Variants in CLIC4 observed in about 807,000 individuals in gnomAD.
The protein encoded by CLIC4 is CLIC family member 4.
CLIC4 carries 13 observed loss-of-function variants against 24.6 expected under a neutral mutation model. That is an observed-to-expected ratio of 0.53 (90% confidence interval 0.34 to 0.84). The LOEUF is 0.84. CLIC4 is among the 40% of genes least tolerant of loss of function. The pLI, the probability that CLIC4 is intolerant of heterozygous loss-of-function variation, is 0.01. For missense variants in CLIC4, 227 were observed against 301.7 expected (o/e 0.75, Z 1.83); for synonymous variants, 104 against 111.3 (o/e 0.93, Z 0.41).
At position 24,794,307 on chromosome 1, in the gene CLIC4, G is replaced by C. The variant is rs562311516; in HGVS notation, c.73-3435G>C. On this transcript the variant is annotated intron_variant, in intron 1 of 5. Coordinates refer to ENST00000374379, the MANE Select transcript of CLIC4 (RefSeq NM_013943.3). ...GTTTAACTAATTTACACTCCCACCA[G>C]CAGCGTATAGTGTTCCCTTTTCTCT... Among the ~76,000 whole-genome samples, 4 of 151,440 alleles carry C rather than the reference G, an allele frequency of 2.6e-5. No homozygotes were observed. The East Asian group carries it at 7.8e-4, about 29-fold the overall frequency.
At chr1:24,752,432 A>G (rs1444323863) in intron 1 of CLIC4, among the ~76,000 whole-genome samples, 1 of 152,128 alleles carries the variant, frequency 6.6e-6, no homozygotes, top group Non-Finnish European at 1.5e-5. Flanking sequence ...TTATTTGTCC[A>G]CTAACTCCCA....
chr1:24,766,496 T>G (rs1386104130), intron 1 of CLIC4, among the ~76,000 whole-genome samples: 6 of 80,408 alleles, frequency 7.5e-5, no homozygotes, highest in African/African-American at 2.1e-4. Context: ...TTTTTTTTTT[T>G]TTTTTTTTTT....
At chr1:24,801,122 G>A (rs191921304) in intron 2 of CLIC4, among the ~76,000 whole-genome samples, 4 of 151,980 alleles carry the variant, frequency 2.6e-5, no homozygotes, top group African/African-American at 9.7e-5. Flanking sequence ...CTAGGGTTTG[G>A]CAGTGGATTC....
At chr1:24,765,922 C>G (rs1007149316) in intron 1 of CLIC4, among the ~76,000 whole-genome samples, 2 of 151,816 alleles carry the variant, frequency 1.3e-5, no homozygotes, top group Non-Finnish European at 2.9e-5. Context: ...AGCAATTCTC[C>G]TGCCTCAGCC....
At chr1:24,763,176 T>C (rs1376526051) in intron 1 of CLIC4, among the ~76,000 whole-genome samples, 1 of 152,108 alleles carries the variant, frequency 6.6e-6, no homozygotes, top group African/African-American at 2.4e-5. Flanking sequence ...AAGAACCAGC[T>C]AAGACAGGTT....
chr1:24,824,055 T>A (rs1186838012), intron 3 of CLIC4, among the ~76,000 whole-genome samples: 2 of 152,220 alleles, frequency 1.3e-5, no homozygotes, highest in African/African-American at 4.8e-5. Context: ...GTTCTCACAA[T>A]AATTGAAAAC....
intron 1 of CLIC4, among the ~76,000 whole-genome samples, chr1:24,761,855 A>T (rs945249475): frequency 6.6e-6 from 1 of 152,120 alleles, no homozygotes; most frequent in African/African-American, 2.4e-5. Context: ...GAGGTATGTG[A>T]GAGAGAAAAG....
intron 1 of CLIC4, among the ~76,000 whole-genome samples, chr1:24,770,826 C>T (rs1250423503): frequency 3.3e-5 from 5 of 151,800 alleles, no homozygotes; most frequent in Non-Finnish European, 7.4e-5. Flanking sequence ...TTGTAAGAAA[C>T]GTGTTTTACT....
chr1:24,820,473 A>G (rs1445847343), intron 3 of CLIC4, among the ~76,000 whole-genome samples: 1 of 150,230 alleles, frequency 6.7e-6, no homozygotes, highest in African/African-American at 2.5e-5. Flanking sequence ...TATGTTGCCC[A>G]GGTTGGTCTC....
At chr1:24,824,537 G>A (rs113345323) in intron 3 of CLIC4, among the ~76,000 whole-genome samples, 3,049 of 152,150 alleles carry the variant, frequency 0.02, 96 homozygotes, top group African/African-American at 0.07. Flanking sequence ...CAAAGTGCTG[G>A]GATTACAGGC....
rs6674493 is a variant in CLIC4 at position 24,765,352 on chromosome 1, C to T, written c.72+19727C>T. Among the ~76,000 whole-genome samples the T allele has an allele frequency of 3.0e-3, 448 of 151,808 alleles. 1 individual carries two copies. Among genetic ancestry groups the T allele is most frequent in the African/African-American group, 9.9e-3 (408 of 41,410 alleles). On this transcript the variant is annotated intron_variant, in intron 1 of 5. Coordinates refer to ENST00000374379, the MANE Select transcript of CLIC4 (RefSeq NM_013943.3). Reference sequence around the variant, plus strand: ...ATATATAGAAGCTTTTATTTTTTTCCGTGCACAGGCTTAATTTCAGAGGAG... The same window carrying T: ...ATATATAGAAGCTTTTATTTTTTTCTGTGCACAGGCTTAATTTCAGAGGAG...
At chr1:24,815,304 T>C (rs7532395) in intron 3 of CLIC4, among the ~76,000 whole-genome samples, 148,375 of 152,170 alleles carry the variant, frequency 0.98, 72,418 homozygotes, top group East Asian at 1. Context: ...TCGAGACCAG[T>C]CTGACCAACA....
chr1:24,755,996 ATTTTTTTT>A (rs972121749), intron 1 of CLIC4, among the ~76,000 whole-genome samples: 1 of 63,392 alleles, frequency 1.6e-5, no homozygotes, highest in African/African-American at 5.5e-5. Context: ...TAATTTTTTG[ATTTTTTTT>A]TTTTTTTTTT....
intron 1 of CLIC4, among the ~76,000 whole-genome samples, chr1:24,763,829 T>C (rs1046216448): frequency 2.6e-5 from 4 of 152,244 alleles, no homozygotes; most frequent in African/African-American, 9.6e-5. Flanking sequence ...ATGCCTCTTA[T>C]ATGACTCTTC....
intron 1 of CLIC4, among the ~76,000 whole-genome samples, chr1:24,778,877 CCTTT>C (rs1186115672): frequency 3.9e-5 from 6 of 152,100 alleles, no homozygotes; most frequent in African/African-American, 1.2e-4. Flanking sequence ...CAGATTAAAG[CCTTT>C]CTTTACATCT....
At chr1:24,750,904 CTAGA>C (rs1010274715) in intron 1 of CLIC4, among the ~76,000 whole-genome samples, 13 of 152,016 alleles carry the variant, frequency 8.6e-5, no homozygotes, top group African/African-American at 3.1e-4. Context: ...ATCTCCCCTA[CTAGA>C]TAGACAGTAA....
At position 24,842,920 on chromosome 1, in the gene CLIC4, A is replaced by G. The variant is rs577471547; in HGVS notation, c.*1983A>G. 8.5e-5 allele frequency: 13 copies of G among 152,286 alleles called. No individual in the cohort carries two copies. In the South Asian group the frequency reaches 2.5e-3, roughly 29 times the overall value. 9.4% of individuals were successfully genotyped at this position (152,286 alleles called of 1,614,324 possible). On this transcript the variant is annotated 3_prime_UTR_variant, in exon 6 of 6. Coordinates refer to ENST00000374379, the MANE Select transcript of CLIC4 (RefSeq NM_013943.3). ...TGAACCTTGCCTCATAGCTTAAAGT[A>G]TAAAAAAGATTCAAGAGCAGTGAGG... is the stretch of plus-strand genomic sequence containing the variant.
intron 1 of CLIC4, among the ~76,000 whole-genome samples, chr1:24,773,807 A>G (rs1368345337): frequency 6.6e-6 from 1 of 151,894 alleles, no homozygotes; most frequent in Non-Finnish European, 1.5e-5. Context: ...TGTGTTGTCC[A>G]GGCTGGTCTC....
At chr1:24,816,590 T>C (rs1337821609) in intron 3 of CLIC4, among the ~76,000 whole-genome samples, 4 of 152,136 alleles carry the variant, frequency 2.6e-5, no homozygotes, top group Admixed American at 2.6e-4. Flanking sequence ...CTTTTCCAGG[T>C]CACTTTGCTT....
Sources: gnomAD v4.1 joint callset for allele counts (sites outside exome capture counted in the v4.1 genomes callset) on GRCh38, gnomAD v4.1.1 for gene constraint, MANE v1.5 for transcripts, NCBI Gene and HGNC (gene_info 2026-07-23, HGNC 2026-07-21) for gene names.